The following DNMT3A variants were observed in gnomAD, a reference collection of about 807,000 sequenced individuals.
DNMT3A encodes the protein DNA (cytosine-5)-methyltransferase 3A.
A neutral mutation model predicts 117.6 loss-of-function variants in DNMT3A; 267 were observed. The observed-to-expected ratio is 2.27, with a 90% CI of 2.05 to 2.51. The LOEUF (loss-of-function observed/expected upper bound fraction) is 2.51. Ranked by LOEUF, DNMT3A falls within the 30% of genes most tolerant of loss-of-function variation. The pLI is 0.00. For synonymous variants in DNMT3A, 432 were observed against 474.8 expected (o/e 0.91, Z 1.17); for missense variants, 1,029 against 1,260.2 (o/e 0.82, Z 2.78).
At chr2:25,246,491 G>A in intron 10 of DNMT3A, 129 bp downstream of exon 10, 1 of 1,455,366 alleles carries the variant, frequency 6.9e-7, no homozygotes, top group African/African-American at 1.4e-5. Flanking sequence ...GGGCAAGAGA[G>A]ACCCCGGCTG....
chr2:25,251,578 A>C (rs1039308629), intron 6 of DNMT3A, among the ~76,000 whole-genome samples: 1 of 151,912 alleles, frequency 6.6e-6, no homozygotes, highest in African/African-American at 2.4e-5. Flanking sequence ...CCCATTCCAA[A>C]GGTCAGAGGT....
At position 25,246,001 on chromosome 2, in the gene DNMT3A, T is replaced by G. The variant is rs1252823445; in HGVS notation, c.1474+19A>C. On this transcript the variant is annotated intron_variant, in intron 12 of 22. Coordinates refer to ENST00000321117, the MANE Select transcript of DNMT3A (RefSeq NM_022552.5). ...CATGCCACACTAGGAGTGCCAGAGTTCCCAGGCAACAAACTTACCCTCAAT... is the reference window on the plus strand; with the variant it reads ...CATGCCACACTAGGAGTGCCAGAGTGCCCAGGCAACAAACTTACCCTCAAT... 1 of 1,613,660 alleles carries G rather than the reference T, an allele frequency of 6.2e-7. No individual in the cohort carries two copies. Among genetic ancestry groups the G allele is most frequent in the African/African-American group, 1.3e-5 (1 of 74,916 alleles).
chr2:25,274,724 G>A (rs1187622610), intron 6 of DNMT3A, among the ~76,000 whole-genome samples: 1 of 152,250 alleles, frequency 6.6e-6, no homozygotes, highest in Non-Finnish European at 1.5e-5. Context: ...CATGAGAGCA[G>A]GAACCGTATA....
chr2:25,341,216 G>A (rs929556947), intron 1 of DNMT3A, among the ~76,000 whole-genome samples: 36 of 145,202 alleles, frequency 2.5e-4, no homozygotes, highest in Non-Finnish European at 4.1e-4. Context: ...CGGGCGCCGG[G>A]GGGAGGGGCG....
At chr2:25,312,291 G>A (rs1408029593) in intron 2 of DNMT3A, among the ~76,000 whole-genome samples, 1 of 152,186 alleles carries the variant, frequency 6.6e-6, no homozygotes, top group African/African-American at 2.4e-5. Flanking sequence ...TCCTGAGCGG[G>A]GGCAGCCTAG....
chr2:25,301,028 T>C (rs1317307993), intron 2 of DNMT3A, among the ~76,000 whole-genome samples: 3 of 151,074 alleles, frequency 2.0e-5, no homozygotes, highest in African/African-American at 4.9e-5. Flanking sequence ...CCTAGCACTT[T>C]GGGAGGCTGA....
In DNMT3A at chr2:25,244,580, C is replaced by A. The variant is rs752222356; in HGVS notation, c.1627G>T (p.Gly543Cys). ...TTTCCGCACATGAGCACCTCACGGC[C>A]CCCACAGCAGATGGTGCAGTAGGAC... ...YQSYCTICCG[G>C]REVLMCGNNN... Residue 543 changes from glycine (G) to cysteine (C), a missense_variant, in exon 14 of 23, where the codon GGC becomes TGC. By Grantham distance (159) the Gly-to-Cys change is radical. Coordinates refer to ENST00000321117, the MANE Select transcript of DNMT3A (RefSeq NM_022552.5). 1.1e-5 allele frequency: 18 copies of A among 1,613,978 alleles called. No individual in the cohort carries two copies. The highest frequency in any genetic ancestry group is 2.7e-5 in the African/African-American group (2 of 74,912).
In DNMT3A at chr2:25,243,924, A is replaced by T. The variant is rs371523368; in HGVS notation, c.1910T>A (p.Leu637Gln). 3 of 1,552,040 alleles carry T rather than the reference A, an allele frequency of 1.9e-6. No homozygotes were observed. The highest frequency in any genetic ancestry group is 1.7e-6 in the Non-Finnish European group (2 of 1,147,128). The change falls in exon 16 of 23, where the codon CTG (leucine) becomes CAG (glutamine). Residue 637 changes from leucine to glutamine, a missense_variant. Physicochemically the swap from Leu to Gln is moderately radical, Grantham distance 113. Coordinates refer to ENST00000321117, the MANE Select transcript of DNMT3A (RefSeq NM_022552.5). Reference sequence around the variant, plus strand: ...TGTAGCGATTCCATCAAAGAGAGACAGCACCCGGATGGGCTTCCTCTTCTC... The same window carrying T: ...TGTAGCGATTCCATCAAAGAGAGACTGCACCCGGATGGGCTTCCTCTTCTC... The part of the protein sequence containing the change: ...PAEKRKPIRV[L>Q]SLFDGIATGL...
At position 25,246,254 on chromosome 2, in the gene DNMT3A, T is replaced by G; in HGVS notation, c.1335A>C (p.Ala445=). 8 of 1,614,144 alleles carry G rather than the reference T, an allele frequency of 5.0e-6. No homozygotes were observed. The highest frequency in any genetic ancestry group is 6.8e-6 in the Non-Finnish European group (8 of 1,179,976). ...VYTDMWVEPE[A]AAYAPPPPAK... ...CTGGTGGAGGTGGTGCGTAGGCAGCTGCCTCAGGTTCCACCCACATGTCCG... is the reference window on the plus strand; with the variant it reads ...CTGGTGGAGGTGGTGCGTAGGCAGCGGCCTCAGGTTCCACCCACATGTCCG... Residue 445 remains alanine, a synonymous_variant, in exon 11 of 23, where the codon GCA becomes GCC. Transcript: ENST00000321117.
At position 25,235,759 on chromosome 2, in the gene DNMT3A, GA is replaced by G; in HGVS notation, c.2544del (p.Pro849LeufsTer4). 6.2e-7 allele frequency: 1 copy of G among 1,614,198 alleles called. No homozygotes were observed. The highest frequency in any genetic ancestry group is 8.5e-7 in the Non-Finnish European group (1 of 1,180,026). On this transcript the variant is annotated frameshift_variant, in exon 22 of 23. Transcript: ENST00000321117. LOFTEE classifies it high-confidence loss of function. ...TCCTCTTTCTCATTCATGAAGACAG[GA>G]AAATGCTGGTCTTTGCCCTGCTTTA... Reference protein sequence around the residue: ...NSIKQGKDQHFPVFMNEKEDI... With the variant: ...NSIKQGKDQHXPVFMNEKEDI...
intron 1 of DNMT3A, among the ~76,000 whole-genome samples, chr2:25,318,024 C>T (rs1255502582): frequency 3.9e-5 from 6 of 152,134 alleles, no homozygotes; most frequent in Non-Finnish European, 7.4e-5. Flanking sequence ...CATGAGCCAC[C>T]GCGCCGGCCG....
chr2:25,258,515 G>A (rs1573371607), intron 6 of DNMT3A, among the ~76,000 whole-genome samples: 1 of 152,208 alleles, frequency 6.6e-6, no homozygotes, highest in Admixed American at 6.5e-5. Context: ...GCAAAGAGGT[G>A]CAAGAGCTAG....
rs1421639201 is a variant in DNMT3A at position 25,254,769 on chromosome 2, A to G, written c.640-6517T>C. On this transcript the variant is annotated intron_variant, in intron 6 of 22. Coordinates refer to ENST00000321117, the MANE Select transcript of DNMT3A (RefSeq NM_022552.5). This position sits in a 1 kb window ranked among gnomAD's most constrained non-coding sequence, Gnocchi z 4.7. Reference sequence around the variant, plus strand: ...TCTGGCTTGGTGGCCTTTTGCAGACACTGTCTCATGTACGATACCCGCTCT... The same window carrying G: ...TCTGGCTTGGTGGCCTTTTGCAGACGCTGTCTCATGTACGATACCCGCTCT... Among the ~76,000 whole-genome samples, 1 of 152,148 alleles carries G rather than the reference A, an allele frequency of 6.6e-6. No homozygotes were observed. Among genetic ancestry groups the G allele is most frequent in the East Asian group, 1.9e-4 (1 of 5,190 alleles).
At chr2:25,278,012 C>CAT (rs2031576349) in intron 4 of DNMT3A, among the ~76,000 whole-genome samples, 1 of 80,514 alleles carries the variant, frequency 1.2e-5, no homozygotes, top group African/African-American at 3.8e-5. Context: ...CACACACACA[C>CAT]ACACACACAC....
chr2:25,328,015 G>A (rs2034850489), intron 1 of DNMT3A, among the ~76,000 whole-genome samples: 1 of 152,044 alleles, frequency 6.6e-6, no homozygotes, highest in South Asian at 2.1e-4. Flanking sequence ...GCCCTGGAGC[G>A]GGTCCACCTG....
At chr2:25,310,410 G>C (rs1022722569) in intron 2 of DNMT3A, among the ~76,000 whole-genome samples, 2 of 149,338 alleles carry the variant, frequency 1.3e-5, no homozygotes, top group African/African-American at 4.9e-5. Context: ...CACAGCCCCA[G>C]AGCTCGGCCT....
intron 3 of DNMT3A, among the ~76,000 whole-genome samples, chr2:25,285,517 G>C (rs2032239772): frequency 6.6e-6 from 1 of 152,236 alleles, no homozygotes; most frequent in African/African-American, 2.4e-5. Flanking sequence ...TTCCAGGAGG[G>C]AAGCACCCAC....
intron 6 of DNMT3A, among the ~76,000 whole-genome samples, chr2:25,255,602 C>G (rs982304899): frequency 2.6e-5 from 4 of 152,160 alleles, no homozygotes; most frequent in African/African-American, 9.7e-5. Flanking sequence ...GACAAAAATA[C>G]CTCTGAAGGA....
intron 4 of DNMT3A, among the ~76,000 whole-genome samples, chr2:25,277,448 G>C (rs959347478): frequency 1.3e-5 from 2 of 152,130 alleles, no homozygotes; most frequent in East Asian, 3.9e-4. Flanking sequence ...GCGGCCTGGC[G>C]GTCCCGGCGG....
Sources: gnomAD v4.1 joint callset for allele counts (sites outside exome capture counted in the v4.1 genomes callset) on GRCh38, gnomAD v4.1.1 for gene constraint, Gnocchi (gnomAD v3.1) non-coding constraint, MANE v1.5 for transcripts, NCBI Gene and HGNC (gene_info 2026-07-23, HGNC 2026-07-21) for gene names.